HERC5: variants seen among roughly 807,000 people sequenced by gnomAD.
The protein encoded by HERC5 is HECT and RLD domain containing E3 ubiquitin protein ligase 5, also known as E3 ISG15--protein ligase HERC5.
In HERC5, 99 loss-of-function variants were observed where a neutral mutation model predicts 119.6. That is an observed-to-expected ratio of 0.83 (90% CI 0.70 to 0.98). The LOEUF is 0.98. Ranked by LOEUF, HERC5 falls within the 50% of genes least tolerant of loss-of-function variation. HERC5 has a pLI of 0.00. For missense variants in HERC5, 1,267 were observed against 1,241.3 expected (o/e 1.02, Z -0.31); for synonymous variants, 478 against 445.9 (o/e 1.07, Z -0.91).
chr4:88,497,649 A>G (rs1000525815), intron 18 of HERC5, among the ~76,000 whole-genome samples: 3 of 152,234 alleles, frequency 2.0e-5, no homozygotes, highest in South Asian at 2.1e-4. Flanking sequence ...GGAATTTATC[A>G]TTAGAAAAAA....
rs1741695378 is a variant in HERC5, at chr4:88,493,050, A to C, written c.2172A>C (p.Gly724=). The C allele has an allele frequency of 5.6e-6, 9 of 1,613,820 alleles. No homozygotes were observed. Among genetic ancestry groups the C allele is most frequent in the Non-Finnish European group, 7.6e-6 (9 of 1,179,894 alleles). The change falls in exon 17 of 23, where the codon GGA becomes GGC. Residue 724 remains glycine, a synonymous_variant. Transcript: ENST00000264350. ...FSGEIGYDLG[G]VKKEFFYCLF... is the part of the protein sequence containing the mutation. Reference sequence around the variant, plus strand: ...GAGAAATTGGGTATGACCTCGGAGGAGTCAAGAAAGAGTTCTTCTACTGTC... The same window carrying C: ...GAGAAATTGGGTATGACCTCGGAGGCGTCAAGAAAGAGTTCTTCTACTGTC...
At chr4:88,459,274 A>AT in intron 1 of HERC5, 73 bp from the exon 2 acceptor site, 2 of 1,246,604 alleles carry the variant, frequency 1.6e-6, no homozygotes, top group Non-Finnish European at 2.1e-6. Flanking sequence ...TTTTAAGTGT[A>AT]TTATAATGAA....
chr4:88,471,369 C>G (rs544560927), intron 10 of HERC5, among the ~76,000 whole-genome samples: 1 of 151,324 alleles, frequency 6.6e-6, no homozygotes, highest in Non-Finnish European at 1.5e-5. Flanking sequence ...GACAAGGTCT[C>G]ACTCCATCAC....
chr4:88,500,504 A>C (rs115746924), intron 19 of HERC5, among the ~76,000 whole-genome samples: 1 of 152,218 alleles, frequency 6.6e-6, no homozygotes, highest in East Asian at 1.9e-4. Context: ...TCACATGGCC[A>C]TGCCGAGATT....
Position 88,505,942 on chromosome 4 carries a change from T to G in HERC5, c.*64T>G. 7.5e-7 allele frequency: 1 copy of G among 1,327,354 alleles called. No homozygotes were observed. The highest frequency in any genetic ancestry group is 2.5e-5 in the East Asian group (1 of 40,310). The allele number at this position is 1,327,354 out of a possible 1,614,324, so 82.2% of individuals were successfully genotyped here. ...ATCGTTGTTGTTGTTGTTGTTGTTG[T>G]TGTTTCTCTACTTTGTTTTGTTTTA... On this transcript the variant is annotated 3_prime_UTR_variant, in exon 23 of 23. Transcript: ENST00000264350.
chr4:88,465,591 A>T (rs1046655610), intron 6 of HERC5, among the ~76,000 whole-genome samples: 4 of 152,226 alleles, frequency 2.6e-5, no homozygotes, highest in African/African-American at 9.6e-5. Flanking sequence ...AAGCAGTCTT[A>T]TCACCTCTTT....
Position 88,504,246 on chromosome 4 carries a change from C to G in HERC5, c.2597C>G (p.Ser866Cys), listed in dbSNP as rs137915296. Residue 866 changes from serine to cysteine, a missense_variant, in exon 21 of 23, where the codon TCT becomes TGT. By Grantham distance (112) the Ser-to-Cys change is moderately radical (BLOSUM62 -1). Transcript: ENST00000264350. The stretch of plus-strand genomic sequence containing the variant: ...TTTTATTAAAGGAGAGACTATGTTT[C>G]TAAGTATATCAATTACATTTTCAAC... The part of the protein sequence containing the change: ...VNQTNKRDYV[S>C]KYINYIFNDS... The G allele has an allele frequency of 6.3e-7, 1 of 1,594,390 alleles. No homozygotes were observed. The highest frequency in any genetic ancestry group is 8.6e-7 in the Non-Finnish European group (1 of 1,165,138).
At chr4:88,484,328 T>C (rs1280594472) in intron 13 of HERC5, among the ~76,000 whole-genome samples, 1 of 152,208 alleles carries the variant, frequency 6.6e-6, no homozygotes, top group Non-Finnish European at 1.5e-5. Context: ...TGCTCATGTA[T>C]GTTGTGATTT....
chr4:88,466,161 AC>A (rs1221284509), intron 6 of HERC5, among the ~76,000 whole-genome samples: 1 of 150,326 alleles, frequency 6.7e-6, no homozygotes, highest in Non-Finnish European at 1.5e-5. Context: ...ATCATGGCTT[AC>A]TGCAGCCTTG....
Position 88,504,287 on chromosome 4 carries a change from G to GTTTATGAAGAATTTCGGAGAGGAT in HERC5, c.2644_2667dup (p.Glu882_Tyr889dup). ...CATTTTCAACGACTCTGTAAAGGCG[G>GTTTATGAAGAATTTCGGAGAGGAT]TTTATGAAGAATTTCGGAGAGGATT... is the stretch of plus-strand genomic sequence containing the variant. On this transcript the variant is annotated inframe_insertion, in exon 21 of 23. Coordinates refer to ENST00000264350, the MANE Select transcript of HERC5 (RefSeq NM_016323.4). 6.2e-7 allele frequency: 1 copy of GTTTATGAAGAATTTCGGAGAGGAT among 1,612,524 alleles called. No individual in the cohort carries two copies. The highest frequency in any genetic ancestry group is 1.7e-4 in the Middle Eastern group (1 of 6,054).
Position 88,462,294 on chromosome 4 carries a change from C to G in HERC5, c.626C>G (p.Ser209Cys). ...GEAHSMALSM[S>C]GNIYSWGKNE... ...GCCCACAGCATGGCCTTATCCATGT[C>G]TGGCAACATTTATTCATGGGGAAAA... Residue 209 changes from serine (S) to cysteine (C), a missense_variant, in exon 4 of 23, where the codon TCT becomes TGT. Physicochemically the swap from Ser to Cys is moderately radical, Grantham distance 112. Coordinates refer to ENST00000264350, the MANE Select transcript of HERC5 (RefSeq NM_016323.4). 6.2e-7 allele frequency: 1 copy of G among 1,614,200 alleles called. No individual in the cohort carries two copies. The highest frequency in any genetic ancestry group is 8.5e-7 in the Non-Finnish European group (1 of 1,180,046).
intron 15 of HERC5, 48 bp from the exon 16 acceptor site, chr4:88,489,118 G>A: frequency 2.6e-6 from 4 of 1,511,886 alleles, no homozygotes; most frequent in Non-Finnish European, 3.6e-6. Context: ...TACTTAGAGA[G>A]GGCCAATGGT....
Position 88,500,919 on chromosome 4 carries a change from A to C in HERC5, c.2516A>C (p.His839Pro), listed in dbSNP as rs1408438810. The change falls in exon 20 of 23, where the codon CAC (histidine) becomes CCC (proline). Residue 839 changes from histidine to proline, a missense_variant. Physicochemically the swap from His to Pro is moderately conservative, Grantham distance 77. Transcript: ENST00000264350. Reference protein sequence around the residue: ...EEVFYIHFNVHWDRNDTNLIP... With the variant: ...EEVFYIHFNVPWDRNDTNLIP... ...TGAGTTCATTTGCGGTTACAGGTGC[A>C]CTGGGACAGAAACGACACAAACTTA... is the stretch of plus-strand genomic sequence containing the variant. The C allele has an allele frequency of 2.5e-6, 4 of 1,611,146 alleles. No homozygotes were observed. Among genetic ancestry groups the C allele is most frequent in the African/African-American group, 1.3e-5 (1 of 74,836 alleles).
At chr4:88,478,702 C>G (rs1409759544) in intron 12 of HERC5, among the ~76,000 whole-genome samples, 1 of 152,068 alleles carries the variant, frequency 6.6e-6, no homozygotes, top group African/African-American at 2.4e-5. Context: ...GCCTCCACCT[C>G]CCAGTCTCAA....
chr4:88,491,236 A>G (rs939517339), intron 16 of HERC5, among the ~76,000 whole-genome samples: 1 of 152,196 alleles, frequency 6.6e-6, no homozygotes, highest in African/African-American at 2.4e-5. Flanking sequence ...GCAGCATCTA[A>G]ATAAATAAAC....
At chr4:88,486,930 G>T in intron 14 of HERC5, 139 bp from the exon 15 acceptor site, 1 of 556,370 alleles carries the variant, frequency 1.8e-6, no homozygotes, top group Non-Finnish European at 3.2e-6. Flanking sequence ...TCTACTACTG[G>T]TACTATGGAC....
At chr4:88,495,559 C>G (rs1468409284) in intron 18 of HERC5, among the ~76,000 whole-genome samples, 4 of 151,332 alleles carry the variant, frequency 2.6e-5, no homozygotes, top group Non-Finnish European at 4.4e-5. Context: ...GACCCTGTCT[C>G]AATTAAAAAA....
chr4:88,463,760 G>A, intron 5 of HERC5, 95 bp from the exon 6 acceptor site: 1 of 1,453,992 alleles, frequency 6.9e-7, no homozygotes, highest in Non-Finnish European at 9.5e-7. Flanking sequence ...GCTTTACTTT[G>A]ACAGTGCTAT....
chr4:88,501,683 T>A (rs1207946205), intron 20 of HERC5, among the ~76,000 whole-genome samples: 1 of 152,212 alleles, frequency 6.6e-6, no homozygotes, highest in Admixed American at 6.5e-5. Context: ...AATGTACAGT[T>A]TAGTGAATTT....
Sources: allele counts gnomAD v4.1 joint callset (sites outside exome capture counted in the v4.1 genomes callset), GRCh38; gene constraint gnomAD v4.1.1; transcripts MANE v1.5; gene names NCBI Gene and HGNC (gene_info 2026-07-23, HGNC 2026-07-21).